The following WSB2 variants were observed in gnomAD, a reference collection of about 807,000 sequenced individuals.
WSB2 encodes WD repeat and SOCS box-containing protein 2.
Under a neutral mutation model 48.8 loss-of-function variants are expected in WSB2, and 12 were observed. The observed-to-expected ratio is 0.25, with a 90% CI of 0.16 to 0.40. The LOEUF is 0.40. WSB2 is among the 10% of genes least tolerant of loss of function. The pLI, the probability that WSB2 is intolerant of heterozygous loss-of-function variation, is 1.00. For missense variants in WSB2, 317 were observed against 506.2 expected (o/e 0.63, Z 3.59); for synonymous variants, 191 against 203.1 (o/e 0.94, Z 0.51).
At chr12:118,041,186 C>T (rs962410209) in intron 4 of WSB2, among the ~76,000 whole-genome samples, 1 of 152,208 alleles carries the variant, frequency 6.6e-6, no homozygotes, top group Non-Finnish European at 1.5e-5. Context: ...ACATAAAGCC[C>T]TAATCCCCAA....
chr12:118,054,340 G>A (rs999809008), intron 1 of WSB2, among the ~76,000 whole-genome samples: 5 of 151,526 alleles, frequency 3.3e-5, no homozygotes, highest in African/African-American at 4.9e-5. Flanking sequence ...ACAGTGAGCC[G>A]AGATCGTGCC....
At chr12:118,059,595 A>G (rs1218703440) in intron 1 of WSB2, among the ~76,000 whole-genome samples, 1 of 152,192 alleles carries the variant, frequency 6.6e-6, no homozygotes, top group Non-Finnish European at 1.5e-5. Context: ...CCACACCCTC[A>G]AAACGAAGTT....
intron 5 of WSB2, among the ~76,000 whole-genome samples, chr12:118,037,703 C>A (rs2031545915): frequency 6.6e-6 from 1 of 151,054 alleles, no homozygotes; most frequent in African/African-American, 2.4e-5. Flanking sequence ...GAAAAGAAAA[C>A]CCTCCAAACC....
rs150363405 is a variant in WSB2, at chr12:118,040,617, C to T, written c.559+2224G>A. ...CTCTACTAAAAATACGAAAATTAGC[C>T]AGGCATGGTGGCACACACCTGGAGG... is the stretch of plus-strand genomic sequence containing the variant. On this transcript the variant is annotated intron_variant, in intron 4 of 8. Transcript: ENST00000315436. Among the ~76,000 whole-genome samples, 119 of 150,294 alleles carry T rather than the reference C, an allele frequency of 7.9e-4. 2 individuals are homozygous for T. In the East Asian group the frequency reaches 0.021, roughly 27 times the overall value.
Position 118,033,906 on chromosome 12 carries a change from C to G in WSB2, c.*290G>C, listed in dbSNP as rs2031437936. ...CAACATCAGTAACTGCACTTTGAAT[C>G]AAAACAAGCAGAAAGAGTTCAACAC... On this transcript the variant is annotated 3_prime_UTR_variant, in exon 9 of 9. Coordinates refer to ENST00000315436, the MANE Select transcript of WSB2 (RefSeq NM_018639.5). 1 of 376,980 alleles carries G rather than the reference C, an allele frequency of 2.7e-6. No individual in the cohort carries two copies. Among genetic ancestry groups the G allele is most frequent in the African/African-American group, 2.1e-5 (1 of 48,746 alleles). The allele number at this position is 376,980 out of a possible 1,614,324, so 23.4% of individuals were successfully genotyped here.
rs767087585 is a variant in WSB2, at chr12:118,042,981, G to GA, written c.428-10_428-9insT. The GA allele has an allele frequency of 6.2e-7, 1 of 1,614,108 alleles. No individual in the cohort carries two copies. The highest frequency in any genetic ancestry group is 1.1e-5 in the South Asian group (1 of 91,084). The stretch of plus-strand genomic sequence containing the variant: ...ATTCAAAAGCAGGAGCCCTGGCATG[G>GA]GAGCAGGGGCACTGAGTCAGCCAGA... On this transcript the variant is annotated splice_polypyrimidine_tract_variant and intron_variant, in intron 3 of 8. Coordinates refer to ENST00000315436, the MANE Select transcript of WSB2 (RefSeq NM_018639.5).
At chr12:118,034,428 A>C (rs1321859005) in intron 8 of WSB2, 70 bp from the exon 9 acceptor site, 15 of 1,568,422 alleles carry the variant, frequency 9.6e-6, no homozygotes, top group Non-Finnish European at 1.1e-5. Context: ...ATGAATACTC[A>C]TGTTTCTGTT....
rs534345652 is a variant in WSB2 at position 118,033,962 on chromosome 12, C to T, written c.*234G>A. 2.6e-4 allele frequency: 141 copies of T among 537,238 alleles called. No homozygotes were observed. The highest frequency in any genetic ancestry group is 1.0e-3 in the Middle Eastern group (2 of 1,934). The allele number at this position is 537,238 out of a possible 1,614,324, so 33.3% of individuals were successfully genotyped here. Reference sequence around the variant, plus strand: ...GTTCATAACTGGACTGAAAATTTAACGTAAGGCTCTGTTGCCGTGCAAGTG... The same window carrying T: ...GTTCATAACTGGACTGAAAATTTAATGTAAGGCTCTGTTGCCGTGCAAGTG... On this transcript the variant is annotated 3_prime_UTR_variant, in exon 9 of 9. Transcript: ENST00000315436.
At chr12:118,043,567 AC>A (rs1166795399) in intron 2 of WSB2, among the ~76,000 whole-genome samples, 190 bp from the exon 3 acceptor site, 1 of 152,088 alleles carries the variant, frequency 6.6e-6, no homozygotes, top group African/African-American at 2.4e-5. Flanking sequence ...CCTCAGATCC[AC>A]CAAGTAGCTA....
At chr12:118,038,665 A>T (rs571208614) in intron 4 of WSB2, among the ~76,000 whole-genome samples, 1 of 152,152 alleles carries the variant, frequency 6.6e-6, no homozygotes, top group East Asian at 1.9e-4. Context: ...GAAGGGGTAC[A>T]TTGATCACTT....
At chr12:118,049,455 G>A (rs2031807079) in intron 2 of WSB2, among the ~76,000 whole-genome samples, 1 of 151,796 alleles carries the variant, frequency 6.6e-6, no homozygotes, top group African/African-American at 2.4e-5. Context: ...AGGCTGGAGT[G>A]CAGTGGCGCG....
intron 2 of WSB2, among the ~76,000 whole-genome samples, chr12:118,046,006 T>A (rs2137782539): frequency 6.6e-6 from 1 of 152,310 alleles, no homozygotes; most frequent in East Asian, 1.9e-4. Flanking sequence ...GGTTCATCCA[T>A]GTTGTAGCAA....
intron 1 of WSB2, among the ~76,000 whole-genome samples, chr12:118,054,597 G>A (rs1473959123): frequency 6.6e-6 from 1 of 151,910 alleles, no homozygotes; most frequent in Non-Finnish European, 1.5e-5. Flanking sequence ...TTGAACCCGG[G>A]AGGCGGAAGG....
intron 1 of WSB2, among the ~76,000 whole-genome samples, chr12:118,052,964 C>T (rs1265749394): frequency 6.6e-6 from 1 of 152,156 alleles, no homozygotes; most frequent in Non-Finnish European, 1.5e-5. Context: ...CAGCCCTTGC[C>T]CTGCTTCCTC....
chr12:118,045,273 G>A (rs1207048936), intron 2 of WSB2, among the ~76,000 whole-genome samples: 5 of 151,946 alleles, frequency 3.3e-5, no homozygotes, highest in African/African-American at 1.2e-4. Context: ...GCTGAGGCAG[G>A]AGAATGGCGT....
intron 1 of WSB2, among the ~76,000 whole-genome samples, chr12:118,054,619 G>A (rs1261022489): frequency 6.6e-6 from 1 of 152,018 alleles, no homozygotes; most frequent in Admixed American, 6.6e-5. Flanking sequence ...AGAGGTTGCG[G>A]TGAGCTGAGA....
chr12:118,043,458 T>C, intron 2 of WSB2, 81 bp from the exon 3 acceptor site: 2 of 1,502,728 alleles, frequency 1.3e-6, no homozygotes, highest in South Asian at 1.4e-5. Context: ...CGTAAGACTT[T>C]TGGGGAGTGG....
chr12:118,043,195 G>A lies in WSB2; in HGVS notation c.365C>T (p.Ser122Phe). 1 of 1,614,246 alleles carries A rather than the reference G, an allele frequency of 6.2e-7. No individual in the cohort carries two copies. Among genetic ancestry groups the A allele is most frequent in the South Asian group, 1.1e-5 (1 of 91,088 alleles). ...GAGTCCCGTAGCAAGAACCAGGCAA[G>A]AGACATCGGGCACTTGGGGGTGGTG... ...ARHHPQVPDV[S>F]CLVLATGLND... The change falls in exon 3 of 9, where the codon TCT becomes TTT. Residue 122 changes from serine (S) to phenylalanine (F), a missense_variant. Ser to Phe is a radical substitution (Grantham distance 155). Transcript: ENST00000315436.
intron 8 of WSB2, chr12:118,034,667 T>C (rs1593460778): frequency 2.0e-6 from 1 of 494,416 alleles, no homozygotes; most frequent in Non-Finnish European, 3.6e-6. Flanking sequence ...TACTGAATTA[T>C]AGATGTTACC....
Sources: allele counts gnomAD v4.1 joint callset (sites outside exome capture counted in the v4.1 genomes callset), GRCh38; gene constraint gnomAD v4.1.1; transcripts MANE v1.5; gene names NCBI Gene and HGNC (gene_info 2026-07-23, HGNC 2026-07-21).